The following BASP1 variants were observed in gnomAD, a reference collection of about 807,000 sequenced individuals.
BASP1 encodes the protein brain abundant membrane attached signal protein 1, also known as brain acid soluble protein 1.
In BASP1, 1 loss-of-function variant was observed where a neutral mutation model predicts 2.2. The observed-to-expected ratio is 0.46, with a 90% CI of 0.16 to 2.17. The LOEUF is 2.17. Ranked by LOEUF, BASP1 falls within the 30% of genes most tolerant of loss-of-function variation. BASP1 has a pLI of 0.27. For missense variants in BASP1, 352 were observed against 327.2 expected (o/e 1.08, Z -0.58); for synonymous variants, 187 against 154.2 (o/e 1.21, Z -1.58).
chr5:17,275,413 C>T lies in BASP1; in HGVS notation c.197C>T (p.Ala66Val), dbSNP rs753922705. The change falls in exon 2 of 2, where the codon GCC becomes GTC. Residue 66 changes from alanine (A) to valine (V), a missense_variant. Coordinates refer to ENST00000322611, the MANE Select transcript of BASP1 (RefSeq NM_006317.5). This position sits in a 1 kb window ranked among gnomAD's most constrained non-coding sequence, Gnocchi z 5.3. ...EKPDQDAEGK[A>V]EEKEGEKDAA... is the part of the protein sequence containing the mutation. ...CCCGACCAGGACGCCGAGGGCAAGG[C>T]CGAGGAGAAGGAGGGCGAGAAGGAC... 1 of 1,559,690 alleles carries T rather than the reference C, an allele frequency of 6.4e-7. No individual in the cohort carries two copies. Among genetic ancestry groups the T allele is most frequent in the South Asian group, 1.2e-5 (1 of 85,850 alleles).
chr5:17,221,240 G>T (rs1481386394), intron 1 of BASP1, among the ~76,000 whole-genome samples: 2 of 152,040 alleles, frequency 1.3e-5, no homozygotes. Context: ...AAGCTAAGAC[G>T]TTCATCCACA....
At chr5:17,257,080 T>C (rs900640907) in intron 1 of BASP1, among the ~76,000 whole-genome samples, 3 of 152,220 alleles carry the variant, frequency 2.0e-5, no homozygotes. Flanking sequence ...TCCTGGGACT[T>C]AGAACACATT....
rs569633214 is a variant in BASP1 at position 17,260,365 on chromosome 5, G to GTA, written c.-9-14842_-9-14841dup. Among the ~76,000 whole-genome samples, 14 of 152,252 alleles carry GTA rather than the reference G, an allele frequency of 9.2e-5. No individual in the cohort carries two copies. The South Asian group carries it at 2.9e-3, about 32-fold the overall frequency. Reference sequence around the variant, plus strand: ...AGTCAGGGTTTTATGGTTAAATCTTGTAGAATCAATTGGGAGATTCACCTT... The same window carrying GTA: ...AGTCAGGGTTTTATGGTTAAATCTTGTATAGAATCAATTGGGAGATTCACCTT... On this transcript the variant is annotated intron_variant, in intron 1 of 1. Transcript: ENST00000322611. The surrounding 1 kb of genome is among the most constrained non-coding windows in gnomAD (Gnocchi z 4.2).
chr5:17,234,636 A>G (rs551869749), intron 1 of BASP1, among the ~76,000 whole-genome samples: 1 of 152,254 alleles, frequency 6.6e-6, no homozygotes, highest in Non-Finnish European at 1.5e-5. Flanking sequence ...ATATTGCAGA[A>G]TTGATGTTTG....
At chr5:17,218,719 C>G (rs1739322830) in intron 1 of BASP1, among the ~76,000 whole-genome samples, 1 of 152,088 alleles carries the variant, frequency 6.6e-6, no homozygotes, top group African/African-American at 2.4e-5. Context: ...AGCTGAAACC[C>G]GGCGCCCGGT....
chr5:17,227,470 C>T (rs1038164509), intron 1 of BASP1, among the ~76,000 whole-genome samples: 3 of 151,960 alleles, frequency 2.0e-5, no homozygotes, highest in Admixed American at 6.6e-5. Flanking sequence ...GGCACGATCT[C>T]GGCTCACTGC....
At chr5:17,253,997 G>A (rs989400781) in intron 1 of BASP1, among the ~76,000 whole-genome samples, 7 of 152,048 alleles carry the variant, frequency 4.6e-5, no homozygotes, top group Non-Finnish European at 1.0e-4. Context: ...GAACTTGCAT[G>A]TTGATAGCTT....
At chr5:17,249,740 C>T (rs369093115) in intron 1 of BASP1, among the ~76,000 whole-genome samples, 9 of 152,158 alleles carry the variant, frequency 5.9e-5, no homozygotes, top group Middle Eastern at 3.4e-3. Context: ...TCTGTAGTAA[C>T]GTTTATCTAT....
chr5:17,275,934 A>T lies in BASP1; in HGVS notation c.*34A>T. ...GCCTATAGGAAAAACAATACCACTT[A>T]AAACAATCTCCTCTCTCTCTCTCTC... On this transcript the variant is annotated 3_prime_UTR_variant, in exon 2 of 2. Transcript: ENST00000322611. This position sits in a 1 kb window ranked among gnomAD's most constrained non-coding sequence, Gnocchi z 5.3. The T allele has an allele frequency of 6.8e-7, 1 of 1,480,574 alleles. No individual in the cohort carries two copies. The highest frequency in any genetic ancestry group is 9.0e-7 in the Non-Finnish European group (1 of 1,115,882). The allele number at this position is 1,480,574 out of a possible 1,614,324, so 91.7% of individuals were successfully genotyped here.
At chr5:17,237,741 G>C (rs1739779476) in intron 1 of BASP1, among the ~76,000 whole-genome samples, 1 of 151,640 alleles carries the variant, frequency 6.6e-6, no homozygotes, top group Non-Finnish European at 1.5e-5. Context: ...CTCCCGAGTA[G>C]CTGGGACTAC....
At chr5:17,229,784 G>GTGGT (rs1739590501) in intron 1 of BASP1, among the ~76,000 whole-genome samples, 1 of 128,950 alleles carries the variant, frequency 7.8e-6, no homozygotes, top group African/African-American at 3.0e-5. Context: ...GTAGGATTGG[G>GTGGT]TTTTTTTTTT....
chr5:17,275,958 T>TC lies in BASP1; in HGVS notation c.*59dup. On this transcript the variant is annotated 3_prime_UTR_variant, in exon 2 of 2. Coordinates refer to ENST00000322611, the MANE Select transcript of BASP1 (RefSeq NM_006317.5). The surrounding 1 kb of genome is among the most constrained non-coding windows in gnomAD (Gnocchi z 5.3). ...TAAAACAATCTCCTCTCTCTCTCTCTCTCTCTCTCTCTATCTCTCTCTCTA... is the reference window on the plus strand; with the variant it reads ...TAAAACAATCTCCTCTCTCTCTCTCTCCTCTCTCTCTCTATCTCTCTCTCTA... The TC allele has an allele frequency of 7.1e-7, 1 of 1,401,058 alleles. No homozygotes were observed. The highest frequency in any genetic ancestry group is 9.5e-7 in the Non-Finnish European group (1 of 1,051,656). The allele number at this position is 1,401,058 out of a possible 1,614,324, so 86.8% of individuals were successfully genotyped here. A position where few individuals can be genotyped will look rare whatever the true frequency, so the allele number is the denominator to read the frequency against.
At chr5:17,274,101 T>C (rs77371474) in intron 1 of BASP1, among the ~76,000 whole-genome samples, 4,510 of 152,286 alleles carry the variant, frequency 0.03, 107 homozygotes, top group Middle Eastern at 0.054. Context: ...ATTTCAAGAT[T>C]CAAATACAAA....
At position 17,235,554 on chromosome 5, in the gene BASP1, G is replaced by A. The variant is rs537062066; in HGVS notation, c.-10+17744G>A. On this transcript the variant is annotated intron_variant, in intron 1 of 1. Coordinates refer to ENST00000322611, the MANE Select transcript of BASP1 (RefSeq NM_006317.5). Reference sequence around the variant, plus strand: ...TAGGATTACAGGCGTGAGCCACCACGCCTGGCCTGCTCTTTATGTTTTTTC... The same window carrying A: ...TAGGATTACAGGCGTGAGCCACCACACCTGGCCTGCTCTTTATGTTTTTTC... 2.0e-4 allele frequency among the ~76,000 whole-genome samples: 31 copies of A among 152,164 alleles called. 1 individual carries two copies. The East Asian group carries it at 4.3e-3, about 21-fold the overall frequency.
intron 1 of BASP1, among the ~76,000 whole-genome samples, chr5:17,261,288 G>A (rs1740311142): frequency 6.6e-6 from 1 of 152,112 alleles, no homozygotes; most frequent in Non-Finnish European, 1.5e-5. Flanking sequence ...TTTGCATACC[G>A]GTTGTTTCAC....
At chr5:17,218,741 C>A (rs1246611552) in intron 1 of BASP1, among the ~76,000 whole-genome samples, 1 of 151,282 alleles carries the variant, frequency 6.6e-6, no homozygotes, top group African/African-American at 2.4e-5. Context: ...CCTGCTCCCC[C>A]CGCCCCCGTC....
At chr5:17,262,191 T>G (rs915362162) in intron 1 of BASP1, among the ~76,000 whole-genome samples, 3 of 152,342 alleles carry the variant, frequency 2.0e-5, no homozygotes, top group Middle Eastern at 6.8e-3. Flanking sequence ...CTTTTCTCAC[T>G]CCAAGTATCT....
intron 1 of BASP1, among the ~76,000 whole-genome samples, chr5:17,218,612 G>T (rs1361066992): frequency 6.6e-6 from 1 of 152,134 alleles, no homozygotes; most frequent in East Asian, 2.0e-4. Flanking sequence ...GGGCCCGGGG[G>T]GTGTGGGCTT....
At chr5:17,226,299 A>G (rs750199030) in intron 1 of BASP1, among the ~76,000 whole-genome samples, 2 of 152,258 alleles carry the variant, frequency 1.3e-5, no homozygotes, top group Non-Finnish European at 2.9e-5. Context: ...TTTATGAAGA[A>G]ATAGCTGTTA....
Sources: gnomAD v4.1 joint callset for allele counts (sites outside exome capture counted in the v4.1 genomes callset) on GRCh38, gnomAD v4.1.1 for gene constraint, Gnocchi (gnomAD v3.1) non-coding constraint, MANE v1.5 for transcripts, NCBI Gene and HGNC (gene_info 2026-07-23, HGNC 2026-07-21) for gene names.